Variants in GDA observed in about 807,000 individuals in gnomAD.
GDA encodes guanine deaminase.
A neutral mutation model predicts 59.6 loss-of-function variants in GDA; 18 were observed. That is an observed-to-expected ratio of 0.30 (90% confidence interval 0.21 to 0.45). The LOEUF (loss-of-function observed/expected upper bound fraction) is 0.45, where lower values mean the gene tolerates loss of function less well. Among genes scored for constraint, GDA ranks in the 20% least tolerant of loss-of-function variants. GDA has a pLI of 1.00. For synonymous variants in GDA, 201 were observed against 201.1 expected (o/e 1.00, Z 0.00); for missense variants, 427 against 552.3 (o/e 0.77, Z 2.27).
At chr9:72,218,983 A>G (rs78663815) in intron 5 of GDA, among the ~76,000 whole-genome samples, 1,600 of 152,368 alleles carry the variant, frequency 0.011, 11 homozygotes, top group Non-Finnish European at 0.014. Context: ...GGCTGCAAGT[A>G]AAAAAGCAGA....
intron 10 of GDA, among the ~76,000 whole-genome samples, chr9:72,240,590 G>C (rs1350483507): frequency 2.0e-5 from 3 of 152,190 alleles, no homozygotes; most frequent in African/African-American, 7.2e-5. Context: ...TTAAGGAAGA[G>C]ATCTCAAGAT....
chr9:72,238,099 G>T (rs1839221175), intron 10 of GDA, among the ~76,000 whole-genome samples: 1 of 152,100 alleles, frequency 6.6e-6, no homozygotes, highest in Non-Finnish European at 1.5e-5. Context: ...CTCTGCAATG[G>T]TTTGACACCC....
intron 1 of GDA, among the ~76,000 whole-genome samples, chr9:72,138,600 C>G (rs1055132437): frequency 6.6e-6 from 1 of 152,216 alleles, no homozygotes; most frequent in Non-Finnish European, 1.5e-5. Flanking sequence ...GGAGACAGAT[C>G]TGCTCCTCAC....
chr9:72,195,661 A>G, intron 2 of GDA, 73 bp downstream of exon 2: 1 of 537,788 alleles, frequency 1.9e-6, no homozygotes, highest in South Asian at 3.1e-5. Context: ...GCCTTGAGAG[A>G]CAGAGAGACT....
chr9:72,188,120 G>C (rs769426560), intron 1 of GDA, among the ~76,000 whole-genome samples: 1 of 152,204 alleles, frequency 6.6e-6, no homozygotes. Context: ...TATGTGAAAA[G>C]ATTTGGAAAA....
At chr9:72,240,923 A>C (rs1293346463) in intron 10 of GDA, among the ~76,000 whole-genome samples, 1 of 152,190 alleles carries the variant, frequency 6.6e-6, no homozygotes, top group Non-Finnish European at 1.5e-5. Flanking sequence ...AATTTGTGAT[A>C]ATTAGTTGCA....
intron 4 of GDA, among the ~76,000 whole-genome samples, chr9:72,213,586 A>C (rs532529262): frequency 6.6e-6 from 1 of 151,768 alleles, no homozygotes; most frequent in African/African-American, 2.4e-5. Context: ...GGCGGATCAC[A>C]AGGTCAGGAG....
intron 1 of GDA, among the ~76,000 whole-genome samples, chr9:72,152,930 C>A (rs1827403077): frequency 6.6e-6 from 1 of 152,026 alleles, no homozygotes; most frequent in Non-Finnish European, 1.5e-5. Flanking sequence ...TTAGGTCTAA[C>A]GTTTAAGTCT....
At chr9:72,189,774 G>T (rs936929114) in intron 1 of GDA, among the ~76,000 whole-genome samples, 47 of 152,230 alleles carry the variant, frequency 3.1e-4, no homozygotes, top group African/African-American at 1.1e-3. Context: ...CTGGGAGGTG[G>T]AAGTTGCACT....
intron 5 of GDA, among the ~76,000 whole-genome samples, chr9:72,214,233 T>C (rs1476993076): frequency 1.3e-5 from 2 of 152,230 alleles, no homozygotes; most frequent in Non-Finnish European, 2.9e-5. Flanking sequence ...TTGATCCTCA[T>C]AGAAATCTCC....
intron 1 of GDA, among the ~76,000 whole-genome samples, chr9:72,166,320 C>T (rs960113123): frequency 5.3e-5 from 8 of 151,456 alleles, no homozygotes; most frequent in African/African-American, 1.5e-4. Flanking sequence ...TTAACAGTTA[C>T]GCCAGTGTCC....
intron 1 of GDA, among the ~76,000 whole-genome samples, chr9:72,126,121 T>G (rs1825839121): frequency 6.6e-6 from 1 of 152,138 alleles, no homozygotes; most frequent in East Asian, 1.9e-4. Context: ...TTTCACCATG[T>G]TGGCCAGGCT....
chr9:72,150,560 C>A (rs1380370742), intron 1 of GDA, among the ~76,000 whole-genome samples: 1 of 152,222 alleles, frequency 6.6e-6, no homozygotes, highest in South Asian at 2.1e-4. Flanking sequence ...TGAAGCCATT[C>A]CATTTTTTAG....
At chr9:72,124,006 C>T (rs1587296460) in intron 1 of GDA, among the ~76,000 whole-genome samples, 1 of 152,248 alleles carries the variant, frequency 6.6e-6, no homozygotes, top group East Asian at 1.9e-4. Context: ...GCTGTGCTGC[C>T]ATTAGGTGAG....
Position 72,164,285 on chromosome 9 carries a change from C to T in GDA, c.123+14603C>T, listed in dbSNP as rs116757434. Among the ~76,000 whole-genome samples, 826 of 152,102 alleles carry T rather than the reference C, an allele frequency of 5.4e-3. 6 individuals carry two copies. The highest frequency in any genetic ancestry group is 0.018 in the African/African-American group (764 of 41,488). ...CAATCCAAATATCAGAGGAAGACAA[C>T]GGGAGGGTATTGTCATAGAAGGCAA... is the stretch of plus-strand genomic sequence containing the variant. On this transcript the variant is annotated intron_variant, in intron 1 of 13. Transcript: ENST00000358399.
At chr9:72,207,865 T>A (rs549896310) in intron 3 of GDA, among the ~76,000 whole-genome samples, 10 of 152,058 alleles carry the variant, frequency 6.6e-5, no homozygotes, top group Admixed American at 5.9e-4. Context: ...CCCAACAACT[T>A]TGGGAGTCTG....
intron 11 of GDA, among the ~76,000 whole-genome samples, chr9:72,243,747 G>C (rs2131815462): frequency 6.6e-6 from 1 of 152,280 alleles, no homozygotes; most frequent in South Asian, 2.1e-4. Flanking sequence ...TCAGTGTTTA[G>C]AGAAATGCCA....
chr9:72,223,136 C>A lies in GDA; in HGVS notation c.623C>A (p.Pro208His). 1 of 1,591,618 alleles carries A rather than the reference C, an allele frequency of 6.3e-7. No individual in the cohort carries two copies. Among genetic ancestry groups the A allele is most frequent in the Non-Finnish European group, 8.6e-7 (1 of 1,159,822 alleles). ...TATCTCCAGTATTCTAGAGTGAAGC[C>A]CATAGTGACACCACGTTTTTCCCTC... is the stretch of plus-strand genomic sequence containing the variant. ...MLQKNYSRVKPIVTPRFSLSC... is the reference protein window; with the variant it reads ...MLQKNYSRVKHIVTPRFSLSC... The change falls in exon 7 of 14, where the codon CCC becomes CAC. Residue 208 changes from proline (P) to histidine (H), a missense_variant. Coordinates refer to ENST00000358399, the MANE Select transcript of GDA (RefSeq NM_004293.5).
chr9:72,204,026 A>C (rs1013558699), intron 3 of GDA, among the ~76,000 whole-genome samples: 1 of 152,150 alleles, frequency 6.6e-6, no homozygotes, highest in Non-Finnish European at 1.5e-5. Flanking sequence ...CATATTGCTC[A>C]GGCTGGTCTT....
Sources: gnomAD v4.1 joint callset for allele counts (sites outside exome capture counted in the v4.1 genomes callset) on GRCh38, gnomAD v4.1.1 for gene constraint, MANE v1.5 for transcripts, NCBI Gene and HGNC (gene_info 2026-07-23, HGNC 2026-07-21) for gene names.